Variants in PRKCZ observed in about 807,000 individuals in gnomAD.
PRKCZ encodes protein kinase C zeta type.
A neutral mutation model predicts 79.5 loss-of-function variants in PRKCZ; 33 were observed. The ratio of observed to expected loss-of-function variants is 0.41; its 90% CI spans 0.31 to 0.55. The LOEUF is 0.55. Among genes scored for constraint, PRKCZ ranks in the 20% least tolerant of loss-of-function variants. The probability of loss-of-function intolerance (pLI) is 0.19; values close to 1 mark genes in which losing one functional copy is unlikely to be tolerated. For missense variants in PRKCZ, 578 were observed against 813.5 expected, an observed-to-expected ratio of 0.71 and a Z score of 3.52; for synonymous variants, 342 against 320.9, an observed-to-expected ratio of 1.07 and a Z score of -0.70.
chr1:2,119,789 CTT>C (rs61129873), intron 4 of PRKCZ, among the ~76,000 whole-genome samples: 7 of 136,382 alleles, frequency 5.1e-5, no homozygotes, highest in South Asian at 2.3e-4. Context: ...CTTTTCTTTT[CTT>C]TTTTTTTTTT....
At chr1:2,072,413 C>G (rs1661679950) in intron 4 of PRKCZ, among the ~76,000 whole-genome samples, 1 of 152,246 alleles carries the variant, frequency 6.6e-6, no homozygotes. Context: ...GAGAGGAGAC[C>G]TCCTCTTGCC....
chr1:2,104,917 C>T, intron 4 of PRKCZ: 1 of 985,438 alleles, frequency 1.0e-6, no homozygotes, highest in South Asian at 4.7e-5. Flanking sequence ...TTATTCTTCA[C>T]ACCTCATTAC....
intron 4 of PRKCZ, chr1:2,073,684 CGGGGGA>C: frequency 4.0e-6 from 4 of 992,524 alleles, no homozygotes; most frequent in Non-Finnish European, 4.8e-6. Context: ...TACAGCTTCC[CGGGGGA>C]GCCGGGTACC....
intron 5 of PRKCZ, among the ~76,000 whole-genome samples, chr1:2,135,880 A>G (rs894602741): frequency 1.4e-4 from 22 of 152,068 alleles, no homozygotes; most frequent in Admixed American, 1.2e-3. Flanking sequence ...TCTAGTTCCT[A>G]TGAAATGGGT....
At chr1:2,161,508 C>T (rs1261614306) in intron 10 of PRKCZ, among the ~76,000 whole-genome samples, 1 of 152,246 alleles carries the variant, frequency 6.6e-6, no homozygotes, top group Non-Finnish European at 1.5e-5. Context: ...TTGGGACACA[C>T]CTGCAGTGTA....
intron 1 of PRKCZ, among the ~76,000 whole-genome samples, chr1:2,052,923 G>T (rs1659819294): frequency 2.0e-5 from 3 of 152,084 alleles, no homozygotes; most frequent in Admixed American, 2.0e-4. Flanking sequence ...GTCCTCCCAG[G>T]GCCCTCTGAG....
In PRKCZ at chr1:2,059,550, G is replaced by A; in HGVS notation, c.293G>A (p.Ser98Asn). The A allele has an allele frequency of 6.2e-7, 1 of 1,614,192 alleles. No homozygotes were observed. The highest frequency in any genetic ancestry group is 2.2e-5 in the East Asian group (1 of 44,886). Residue 98 changes from serine (S) to asparagine (N), a missense_variant, in exon 4 of 18, where the codon AGC (serine) becomes AAC (asparagine). Ser to Asn is a conservative substitution (Grantham distance 46). This residue lies in a region of PRKCZ where 228 missense variants were observed against 211.6 expected (regional missense o/e 1.08). Transcript: ENST00000378567. ...TCTCTCTCTTGTCCAGTTTTCCCGA[G>A]CACCCCTGAGCAGCCTGGCCTGCCA... is the stretch of plus-strand genomic sequence containing the variant. The part of the protein sequence containing the change: ...DEGLIIHVFP[S>N]TPEQPGLPCP...
intron 11 of PRKCZ, among the ~76,000 whole-genome samples, chr1:2,171,341 CA>C (rs1373305242): frequency 5.5e-3 from 267 of 48,112 alleles, no homozygotes; most frequent in East Asian, 0.022. Context: ...AACTCTGTCT[CA>C]AAAAAAAAAA....
chr1:2,165,175 C>CAA lies in PRKCZ; in HGVS notation c.975-4343_975-4342insAA, dbSNP rs1683087373. 6.6e-6 allele frequency among the ~76,000 whole-genome samples: 1 copy of CAA among 152,246 alleles called. No individual in the cohort carries two copies. The highest frequency in any genetic ancestry group is 1.5e-5 in the Non-Finnish European group (1 of 68,048). ...AAATCCTTCTGTGGATTCAGCTTTA[C>CAA]CGCCTTTCCTCATCTGCTGGTGTCT... On this transcript the variant is annotated intron_variant, in intron 10 of 17. Coordinates refer to ENST00000378567, the MANE Select transcript of PRKCZ (RefSeq NM_002744.6). This position sits in a 1 kb window ranked among gnomAD's most constrained non-coding sequence, Gnocchi z 4.1.
intron 16 of PRKCZ, among the ~76,000 whole-genome samples, chr1:2,176,017 A>G (rs982342088): frequency 1.3e-5 from 2 of 152,152 alleles, no homozygotes; most frequent in Non-Finnish European, 1.5e-5. Flanking sequence ...CGCAGCGTTC[A>G]CGGCTTGAGC....
chr1:2,063,295 G>T (rs1460059902), intron 4 of PRKCZ, among the ~76,000 whole-genome samples: 1 of 152,148 alleles, frequency 6.6e-6, no homozygotes, highest in East Asian at 1.9e-4. Context: ...GAGATTGCTG[G>T]ATCATTGATC....
Position 2,109,377 on chromosome 1 carries a change from G to T in PRKCZ, c.335-25885G>T, listed in dbSNP as rs1409720271. Among the ~76,000 whole-genome samples, 3 of 152,336 alleles carry T rather than the reference G, an allele frequency of 2.0e-5. No individual in the cohort carries two copies. The East Asian group carries it at 5.8e-4, about 29-fold the overall frequency. ...GAGCCACCTTCCCTTGTCTCTGGGG[G>T]GTGACCCTTGACCTTGGTGGCCTCA... On this transcript the variant is annotated intron_variant, in intron 4 of 17. Coordinates refer to ENST00000378567, the MANE Select transcript of PRKCZ (RefSeq NM_002744.6).
intron 4 of PRKCZ, among the ~76,000 whole-genome samples, chr1:2,103,843 G>T (rs1231630442): frequency 6.6e-6 from 1 of 152,228 alleles, no homozygotes; most frequent in Non-Finnish European, 1.5e-5. Flanking sequence ...GTCTCTGGGG[G>T]CTGCACCTGA....
At chr1:2,134,568 G>T (rs530119200) in intron 4 of PRKCZ, among the ~76,000 whole-genome samples, 4 of 151,658 alleles carry the variant, frequency 2.6e-5, no homozygotes, top group African/African-American at 4.9e-5. Flanking sequence ...GGCACAGTCC[G>T]CATGGGCTGG....
chr1:2,072,548 C>T (rs565140188), intron 4 of PRKCZ, among the ~76,000 whole-genome samples: 17 of 104,734 alleles, frequency 1.6e-4, no homozygotes, highest in African/African-American at 1.2e-3. Context: ...GGTGGAGTAA[C>T]TTCAGCCAGG....
intron 1 of PRKCZ, among the ~76,000 whole-genome samples, chr1:2,053,453 G>A (rs1297316563): frequency 2.0e-5 from 3 of 152,206 alleles, no homozygotes; most frequent in African/African-American, 7.2e-5. Flanking sequence ...CCCAGGGCTT[G>A]GTGCTGAGGC....
At chr1:2,164,502 G>A (rs1208402666) in intron 10 of PRKCZ, among the ~76,000 whole-genome samples, 2 of 152,300 alleles carry the variant, frequency 1.3e-5, no homozygotes, top group African/African-American at 4.8e-5. Context: ...TGCATAGGGT[G>A]GGTGTCTGGA....
At chr1:2,107,859 G>GAGGGAGCCCCCAACACCCCGGCAGTGTCC (rs1491232908) in intron 4 of PRKCZ, among the ~76,000 whole-genome samples, 9 of 150,814 alleles carry the variant, frequency 6.0e-5, no homozygotes, top group African/African-American at 2.2e-4. Flanking sequence ...GGGCAGTGTC[G>GAGGGAGCCCCCAACACCCCGGCAGTGTCC]AGGGAGCCCC....
intron 7 of PRKCZ, among the ~76,000 whole-genome samples, chr1:2,148,399 T>G (rs1038513414): frequency 2.0e-5 from 3 of 151,818 alleles, no homozygotes; most frequent in Admixed American, 6.6e-5. Context: ...TCTCCGTCTA[T>G]CCATCCATCT....
Sources: allele counts gnomAD v4.1 joint callset (sites outside exome capture counted in the v4.1 genomes callset), GRCh38; gene constraint gnomAD v4.1.1; regional missense constraint gnomAD v4.1.1; non-coding constraint Gnocchi (gnomAD v3.1); transcripts MANE v1.5; gene names NCBI Gene and HGNC (gene_info 2026-07-23, HGNC 2026-07-21).